Variants in C9 observed in about 807,000 individuals in gnomAD.
C9 encodes the protein complement component C9.
C9 carries 63 observed loss-of-function variants against 65.4 expected under a neutral mutation model. The ratio of observed to expected loss-of-function variants is 0.96; its 90% confidence interval spans 0.79 to 1.19. The LOEUF (loss-of-function observed/expected upper bound fraction) is 1.19, where lower values mean the gene tolerates loss of function less well. C9 is among the 50% of genes most tolerant of loss of function. The pLI is 0.00. For synonymous variants in C9, 229 were observed against 227.9 expected, an observed-to-expected ratio of 1.00 and a Z score of -0.04; for missense variants, 744 against 670.1, an observed-to-expected ratio of 1.11 and a Z score of -1.22.
chr5:39,352,500 G>A (rs745683239), intron 1 of C9, among the ~76,000 whole-genome samples: 2 of 152,068 alleles, frequency 1.3e-5, no homozygotes, highest in Non-Finnish European at 2.9e-5. Flanking sequence ...TTGGCAAATG[G>A]CACTTCCATT....
chr5:39,331,708 T>A lies in C9; in HGVS notation c.583A>T (p.Arg195Ter). Reference sequence around the variant, plus strand: ...ATCAAAGAAGCCACGTTCCAAGGTCTTCGGTAGTATGTCAGAGTGTTTCCA... The same window carrying A: ...ATCAAAGAAGCCACGTTCCAAGGTCATCGGTAGTATGTCAGAGTGTTTCCA... ...RDGNTLTYYR[R>*]PWNVASLIYE... Residue 195 changes from arginine to a stop codon, truncating the protein, a stop_gained, in exon 5 of 11, where the codon AGA becomes TGA. Coordinates refer to ENST00000263408, the MANE Select transcript of C9 (RefSeq NM_001737.5). LOFTEE classifies it high-confidence loss of function. 1 of 1,614,016 alleles carries A rather than the reference T, an allele frequency of 6.2e-7. No individual in the cohort carries two copies. The highest frequency in any genetic ancestry group is 8.5e-7 in the Non-Finnish European group (1 of 1,179,832).
chr5:39,330,717 T>C (rs1753824579), intron 5 of C9, among the ~76,000 whole-genome samples: 1 of 151,340 alleles, frequency 6.6e-6, no homozygotes, highest in African/African-American at 2.5e-5. Flanking sequence ...TTTTGGCAAC[T>C]GACATATTCT....
chr5:39,296,438 A>T (rs1753187441), intron 9 of C9, among the ~76,000 whole-genome samples: 1 of 151,558 alleles, frequency 6.6e-6, no homozygotes, highest in Non-Finnish European at 1.5e-5. Flanking sequence ...TCAAACGGAT[A>T]AAAATAAACA....
chr5:39,304,823 T>C (rs1561335955), intron 9 of C9, among the ~76,000 whole-genome samples: 1 of 152,200 alleles, frequency 6.6e-6, no homozygotes, highest in Non-Finnish European at 1.5e-5. Context: ...ATAAACTATA[T>C]TGTGCATCCA....
At chr5:39,311,875 T>C (rs1424744225) in intron 6 of C9, among the ~76,000 whole-genome samples, 3 of 152,160 alleles carry the variant, frequency 2.0e-5, no homozygotes, top group Non-Finnish European at 2.9e-5. Context: ...TACTGATACA[T>C]GTAACAACAT....
chr5:39,296,443 T>A (rs1260724490), intron 9 of C9, among the ~76,000 whole-genome samples: 1 of 151,224 alleles, frequency 6.6e-6, no homozygotes, highest in Non-Finnish European at 1.5e-5. Flanking sequence ...CGGATAAAAA[T>A]AAACAATGCT....
chr5:39,312,147 T>A (rs1753495150), intron 6 of C9, among the ~76,000 whole-genome samples: 1 of 152,166 alleles, frequency 6.6e-6, no homozygotes, highest in East Asian at 1.9e-4. Flanking sequence ...TAAACATAGA[T>A]CTTAAATAAT....
intron 5 of C9, among the ~76,000 whole-genome samples, chr5:39,322,221 G>A (rs75865669): frequency 0.012 from 1,760 of 151,762 alleles, 39 homozygotes; most frequent in African/African-American, 0.04. Flanking sequence ...TCACAAATAT[G>A]GAAAAATTAA....
chr5:39,354,203 A>G (rs1754375507), intron 1 of C9, among the ~76,000 whole-genome samples: 1 of 152,212 alleles, frequency 6.6e-6, no homozygotes, highest in Admixed American at 6.5e-5. Context: ...ATGACTAAGA[A>G]ATTCTCTGCT....
chr5:39,357,221 G>A (rs1471386015), intron 1 of C9, among the ~76,000 whole-genome samples: 1 of 152,150 alleles, frequency 6.6e-6, no homozygotes, highest in Non-Finnish European at 1.5e-5. Context: ...GGAATCTTTT[G>A]GTCAATAAAT....
chr5:39,322,252 A>G (rs1309741489), intron 5 of C9, among the ~76,000 whole-genome samples: 3 of 152,034 alleles, frequency 2.0e-5, no homozygotes, highest in Non-Finnish European at 4.4e-5. Context: ...AACAATAAAT[A>G]AGTCAATGAA....
intron 9 of C9, among the ~76,000 whole-genome samples, chr5:39,291,142 T>C (rs973605945): frequency 2.0e-5 from 3 of 151,928 alleles, no homozygotes; most frequent in African/African-American, 7.2e-5. Flanking sequence ...CTGCCAATGT[T>C]TGTGCTATCA....
intron 6 of C9, among the ~76,000 whole-genome samples, chr5:39,311,893 T>C (rs1209139559): frequency 1.3e-5 from 2 of 152,064 alleles, no homozygotes; most frequent in Non-Finnish European, 2.9e-5. Flanking sequence ...CATAAATAAA[T>C]CTCAAAAATA....
intron 9 of C9, among the ~76,000 whole-genome samples, chr5:39,290,422 A>C (rs1753067784): frequency 6.6e-6 from 1 of 151,550 alleles, no homozygotes; most frequent in Non-Finnish European, 1.5e-5. Context: ...CACAAAACTT[A>C]AAAGAAATGA....
chr5:39,297,046 T>C (rs947088576), intron 9 of C9, among the ~76,000 whole-genome samples: 1 of 151,606 alleles, frequency 6.6e-6, no homozygotes, highest in South Asian at 2.1e-4. Context: ...AGATACAACA[T>C]TACAACTACA....
rs2111880498 is a variant in C9, at chr5:39,308,356, C to A, written c.1114G>T (p.Val372Phe). 1.3e-6 allele frequency: 2 copies of A among 1,584,734 alleles called. No homozygotes were observed. The highest frequency in any genetic ancestry group is 2.2e-5 in the South Asian group (2 of 90,508). Reference sequence around the variant, plus strand: ...CATCTCTTTATGTCTTTTAGTTCAACACCTGTTTAATGAATTTATTTGAAA... The same window carrying A: ...CATCTCTTTATGTCTTTTAGTTCAAAACCTGTTTAATGAATTTATTTGAAA... ...LDKASMKRKGVELKDIKRCLG... is the reference protein window; with the variant it reads ...LDKASMKRKGFELKDIKRCLG... The change falls in exon 8 of 11, where the codon GTT (valine) becomes TTT (phenylalanine). Residue 372 changes from valine (V) to phenylalanine (F), a missense_variant and splice_region_variant. Physicochemically the swap from Val to Phe is conservative, Grantham distance 50 (BLOSUM62 -1). Coordinates refer to ENST00000263408, the MANE Select transcript of C9 (RefSeq NM_001737.5).
chr5:39,352,810 C>T (rs1002672023), intron 1 of C9, among the ~76,000 whole-genome samples: 21 of 151,932 alleles, frequency 1.4e-4, no homozygotes, highest in African/African-American at 5.1e-4. Flanking sequence ...AGTAGCTTCC[C>T]ACCACTCTTG....
At chr5:39,309,197 TAAA>T in intron 7 of C9, among the ~76,000 whole-genome samples, 1 of 152,078 alleles carries the variant, frequency 6.6e-6, no homozygotes, top group Non-Finnish European at 1.5e-5. Flanking sequence ...ATTTTAAGGG[TAAA>T]CATCCCAGAC....
intron 9 of C9, among the ~76,000 whole-genome samples, chr5:39,297,658 A>T (rs1301972462): frequency 6.6e-6 from 1 of 151,744 alleles, no homozygotes; most frequent in Non-Finnish European, 1.5e-5. Context: ...TCAATATACA[A>T]AGAAGATATA....
Sources: allele counts gnomAD v4.1 joint callset (sites outside exome capture counted in the v4.1 genomes callset), GRCh38; gene constraint gnomAD v4.1.1; transcripts MANE v1.5; gene names NCBI Gene and HGNC (gene_info 2026-07-23, HGNC 2026-07-21).